Variants in PCSK5 observed in about 807,000 individuals in gnomAD.
PCSK5 encodes prohormone convertase 5.
In PCSK5, 129 loss-of-function variants were observed where a neutral mutation model predicts 233.2. The observed-to-expected ratio is 0.55, with a 90% confidence interval of 0.48 to 0.64. The LOEUF is 0.64. PCSK5 is among the 30% of genes least tolerant of loss of function. The pLI is 0.00. For synonymous variants in PCSK5, 825 were observed against 879.2 expected (o/e 0.94, Z 1.09); for missense variants, 2,076 against 2,430.1 (o/e 0.85, Z 3.06).
At chr9:76,265,167 A>G (rs1161986374) in intron 24 of PCSK5, among the ~76,000 whole-genome samples, 1 of 152,098 alleles carries the variant, frequency 6.6e-6, no homozygotes, top group Non-Finnish European at 1.5e-5. Flanking sequence ...AGAAAACCAA[A>G]TACTGCCTGT....
chr9:76,107,509 A>C (rs568059372), intron 9 of PCSK5, among the ~76,000 whole-genome samples, 158 bp downstream of exon 9: 5 of 152,348 alleles, frequency 3.3e-5, no homozygotes, highest in Non-Finnish European at 5.9e-5. Flanking sequence ...TTTAAAAAAA[A>C]TTCCCCTATA....
intron 5 of PCSK5, among the ~76,000 whole-genome samples, chr9:76,064,860 T>G (rs926567760): frequency 5.3e-5 from 8 of 152,196 alleles, no homozygotes; most frequent in Admixed American, 2.0e-4. Context: ...GATCTCTTTT[T>G]TATTTTTGTA....
At chr9:76,234,158 G>A (rs1199635958) in intron 22 of PCSK5, among the ~76,000 whole-genome samples, 1 of 152,020 alleles carries the variant, frequency 6.6e-6, no homozygotes, top group Non-Finnish European at 1.5e-5. Context: ...CAACTCATAT[G>A]CCTGTCCCCT....
At chr9:76,155,498 T>TA (rs1324769963) in intron 10 of PCSK5, among the ~76,000 whole-genome samples, 3 of 151,952 alleles carry the variant, frequency 2.0e-5, no homozygotes, top group Non-Finnish European at 4.4e-5. Flanking sequence ...GCAGCTGGAG[T>TA]AAAAAGACAT....
chr9:76,321,824 C>A (rs1829214449), intron 31 of PCSK5, among the ~76,000 whole-genome samples, 185 bp downstream of exon 31: 2 of 152,122 alleles, frequency 1.3e-5, no homozygotes, highest in Admixed American at 1.3e-4. Flanking sequence ...ATGGATGCTG[C>A]AAGTTAAGAC....
chr9:76,068,800 A>G (rs1830378972), intron 6 of PCSK5, among the ~76,000 whole-genome samples: 3 of 152,216 alleles, frequency 2.0e-5, no homozygotes, highest in African/African-American at 7.2e-5. Flanking sequence ...TTTTATCATT[A>G]TGCCTGAAGG....
intron 24 of PCSK5, among the ~76,000 whole-genome samples, chr9:76,290,361 C>T (rs1218498980): frequency 6.6e-6 from 1 of 152,204 alleles, no homozygotes; most frequent in Non-Finnish European, 1.5e-5. Context: ...AGCTTCACTT[C>T]CTGGTTCCAC....
chr9:76,168,434 C>T (rs371031766), intron 12 of PCSK5, among the ~76,000 whole-genome samples: 12 of 152,160 alleles, frequency 7.9e-5, no homozygotes, highest in South Asian at 2.1e-4. Flanking sequence ...AGGCATGAAC[C>T]GCTGCACCCA....
chr9:76,204,065 ATGT>A (rs938165800), intron 20 of PCSK5, among the ~76,000 whole-genome samples: 1 of 152,184 alleles, frequency 6.6e-6, no homozygotes, highest in Non-Finnish European at 1.5e-5. Flanking sequence ...AGGCAAAAAC[ATGT>A]TGGTTACTAA....
At chr9:75,964,572 G>A (rs559996407) in intron 2 of PCSK5, among the ~76,000 whole-genome samples, 84 of 152,328 alleles carry the variant, frequency 5.5e-4, no homozygotes, top group Middle Eastern at 3.4e-3. Flanking sequence ...TTCCGTAAGC[G>A]GAGAGTCTGT....
intron 20 of PCSK5, chr9:76,193,441 A>AT: frequency 1.0e-6 from 1 of 980,216 alleles, no homozygotes; most frequent in Non-Finnish European, 1.4e-6. Flanking sequence ...AAAAAAAAAA[A>AT]GCAAGCCACC....
At chr9:75,957,516 C>A (rs910080484) in intron 2 of PCSK5, among the ~76,000 whole-genome samples, 1 of 152,106 alleles carries the variant, frequency 6.6e-6, no homozygotes, top group African/African-American at 2.4e-5. Flanking sequence ...AAAAAAAAAT[C>A]TTCCTCCAAT....
At position 76,358,828 on chromosome 9, in the gene PCSK5, G is replaced by A. The variant is rs1048092829; in HGVS notation, c.5570G>A (p.Gly1857Asp). 1 of 1,612,730 alleles carries A rather than the reference G, an allele frequency of 6.2e-7. No individual in the cohort carries two copies. Among genetic ancestry groups the A allele is most frequent in the African/African-American group, 1.3e-5 (1 of 74,918 alleles). Residue 1857 changes from glycine to aspartate, a missense_variant, in exon 38 of 38, where the codon GGC becomes GAC. Physicochemically the swap from Gly to Asp is moderately conservative, Grantham distance 94. This residue lies in a region of PCSK5 where 1,510 missense variants were observed against 1,538.1 expected (regional missense o/e 0.98). Transcript: ENST00000674117. Reference protein sequence around the residue: ...DDDIVYMGQDGTVYRKFKYGL... With the variant: ...DDDIVYMGQDDTVYRKFKYGL... Reference sequence around the variant, plus strand: ...GACATCGTCTACATGGGCCAGGATGGCACAGTCTACCGGAAATTTAAATAT... The same window carrying A: ...GACATCGTCTACATGGGCCAGGATGACACAGTCTACCGGAAATTTAAATAT...
intron 1 of PCSK5, among the ~76,000 whole-genome samples, chr9:75,924,765 T>G (rs1049042059): frequency 2.6e-5 from 4 of 152,206 alleles, no homozygotes; most frequent in Non-Finnish European, 5.9e-5. Flanking sequence ...GGTTGAGATC[T>G]CTGGGTAGCT....
chr9:76,303,729 G>T (rs1031325019), intron 28 of PCSK5, among the ~76,000 whole-genome samples: 2 of 152,258 alleles, frequency 1.3e-5, no homozygotes, highest in Middle Eastern at 6.8e-3. Flanking sequence ...AAAAGCCCTC[G>T]GGGACAGAAT....
chr9:76,178,882 T>C (rs1316183751), intron 14 of PCSK5, among the ~76,000 whole-genome samples: 1 of 152,228 alleles, frequency 6.6e-6, no homozygotes, highest in Admixed American at 6.5e-5. Flanking sequence ...CATTTTTTTT[T>C]CTTACTGTTC....
chr9:76,062,423 A>G (rs1162588247), intron 5 of PCSK5, among the ~76,000 whole-genome samples: 1 of 152,232 alleles, frequency 6.6e-6, no homozygotes, highest in Non-Finnish European at 1.5e-5. Context: ...ATAGCTAATA[A>G]ATATTTGAAA....
chr9:76,187,893 C>T (rs745630289), intron 17 of PCSK5, among the ~76,000 whole-genome samples: 1 of 151,916 alleles, frequency 6.6e-6, no homozygotes, highest in African/African-American at 2.4e-5. Context: ...AATATAACAA[C>T]AAAGAAAAGT....
intron 5 of PCSK5, among the ~76,000 whole-genome samples, chr9:76,058,590 G>A (rs1391394090): frequency 6.6e-6 from 1 of 152,076 alleles, no homozygotes; most frequent in Non-Finnish European, 1.5e-5. Flanking sequence ...GGATCAAGGA[G>A]CGTCTCCCTC....
Sources: gnomAD v4.1 joint callset for allele counts (sites outside exome capture counted in the v4.1 genomes callset) on GRCh38, gnomAD v4.1.1 for gene constraint, gnomAD v4.1.1 regional missense constraint, MANE v1.5 for transcripts, NCBI Gene and HGNC (gene_info 2026-07-23, HGNC 2026-07-21) for gene names.